AGBL1: variants seen among roughly 807,000 people sequenced by gnomAD.
AGBL1 encodes the protein AGBL carboxypeptidase 1, also known as cytosolic carboxypeptidase 4.
In AGBL1, 130 loss-of-function variants were observed where a neutral mutation model predicts 118.9. The observed-to-expected ratio is 1.09, with a 90% confidence interval of 0.95 to 1.26. The LOEUF (loss-of-function observed/expected upper bound fraction) is 1.26, where lower values mean the gene tolerates loss of function less well. Among genes scored for constraint, AGBL1 ranks in the 50% most tolerant of loss-of-function variants. The probability of loss-of-function intolerance (pLI) is 0.00; values close to 1 mark genes in which losing one functional copy is unlikely to be tolerated. For missense variants in AGBL1, 1,584 were observed against 1,298.1 expected (o/e 1.22, Z -3.38); for synonymous variants, 555 against 478.9 (o/e 1.16, Z -2.08).
At chr15:86,679,063 T>C (rs4480770) in intron 22 of AGBL1, among the ~76,000 whole-genome samples, 128,534 of 152,008 alleles carry the variant, frequency 0.85, 55,105 homozygotes, top group East Asian at 0.93. Context: ...TGCTGCATTC[T>C]CTTCTTTATT....
intron 17 of AGBL1, among the ~76,000 whole-genome samples, chr15:86,298,410 C>T (rs956064238): frequency 5.6e-5 from 8 of 143,332 alleles, no homozygotes; most frequent in East Asian, 3.9e-4. Flanking sequence ...AAACACATGC[C>T]GTTGCTGTGT....
chr15:86,210,237 T>A (rs937256074), intron 5 of AGBL1, among the ~76,000 whole-genome samples: 1 of 152,226 alleles, frequency 6.6e-6, no homozygotes, highest in Non-Finnish European at 1.5e-5. Context: ...TCTCTCTGGC[T>A]GCCCTTAACA....
At chr15:86,757,704 TTC>T (rs1298570983) in intron 22 of AGBL1, among the ~76,000 whole-genome samples, 2 of 152,046 alleles carry the variant, frequency 1.3e-5, no homozygotes, top group Non-Finnish European at 2.9e-5. Context: ...CTTGGCCACG[TTC>T]TTTTAGTTCC....
chr15:86,254,575 T>C (rs1228754153), intron 7 of AGBL1, among the ~76,000 whole-genome samples: 1 of 152,224 alleles, frequency 6.6e-6, no homozygotes, highest in East Asian at 1.9e-4. Flanking sequence ...TCATCATCCC[T>C]TCCAAGTAGC....
At chr15:86,641,878 A>G (rs1255418495) in intron 21 of AGBL1, among the ~76,000 whole-genome samples, 1 of 152,224 alleles carries the variant, frequency 6.6e-6, no homozygotes, top group Non-Finnish European at 1.5e-5. Flanking sequence ...TTTCAGGCTC[A>G]TGGATGTGCT....
chr15:86,581,341 G>A (rs1051002463), intron 21 of AGBL1, among the ~76,000 whole-genome samples: 3 of 152,014 alleles, frequency 2.0e-5, no homozygotes, highest in Admixed American at 6.6e-5. Flanking sequence ...ATTTTGATAG[G>A]TCCCTTCTTA....
At chr15:86,102,404 A>G (rs1225348429) in intron 1 of AGBL1, among the ~76,000 whole-genome samples, 1 of 152,068 alleles carries the variant, frequency 6.6e-6, no homozygotes. Flanking sequence ...ACATGTTTTC[A>G]TGATGGTAGA....
chr15:87,015,769 C>T (rs988059227), intron 24 of AGBL1, among the ~76,000 whole-genome samples: 1 of 152,152 alleles, frequency 6.6e-6, no homozygotes, highest in Non-Finnish European at 1.5e-5. Context: ...AGGGATAGAG[C>T]TTTAAGTCTA....
chr15:86,164,541 G>A (rs1403195062), intron 5 of AGBL1, among the ~76,000 whole-genome samples: 1 of 152,136 alleles, frequency 6.6e-6, no homozygotes, highest in East Asian at 1.9e-4. Context: ...TGAAGATTTT[G>A]ATAATAATAA....
chr15:86,310,144 T>C (rs1043460373), intron 17 of AGBL1, among the ~76,000 whole-genome samples: 3 of 152,206 alleles, frequency 2.0e-5, no homozygotes, highest in Non-Finnish European at 4.4e-5. Context: ...TGTTTCTTCA[T>C]GATTCAGTCT....
chr15:86,474,701 C>A (rs544033514), intron 18 of AGBL1, among the ~76,000 whole-genome samples: 1 of 152,310 alleles, frequency 6.6e-6, no homozygotes, highest in East Asian at 1.9e-4. Flanking sequence ...CTTAAATGTC[C>A]CTGTCTGACA....
At chr15:86,323,232 C>T (rs890288888) in intron 17 of AGBL1, among the ~76,000 whole-genome samples, 3 of 151,786 alleles carry the variant, frequency 2.0e-5, no homozygotes, top group Non-Finnish European at 4.4e-5. Flanking sequence ...GCACCTCATC[C>T]ACCATGTTGC....
intron 22 of AGBL1, among the ~76,000 whole-genome samples, chr15:86,772,478 T>G (rs2078195561): frequency 6.6e-6 from 1 of 152,084 alleles, no homozygotes. Context: ...AAGTTGAGTC[T>G]AGGTTTCAGA....
At chr15:86,827,497 A>ATATATATACG (rs1596525971) in intron 22 of AGBL1, among the ~76,000 whole-genome samples, 1 of 39,710 alleles carries the variant, frequency 2.5e-5, no homozygotes, top group Non-Finnish European at 4.9e-5. Flanking sequence ...GTGTATATAT[A>ATATATATACG]TATATATATA....
chr15:86,884,876 A>C (rs1440259451), intron 22 of AGBL1, among the ~76,000 whole-genome samples: 1 of 152,206 alleles, frequency 6.6e-6, no homozygotes, highest in African/African-American at 2.4e-5. Flanking sequence ...AAAGTGTCTC[A>C]CAAAATGCCT....
chr15:86,641,786 C>CT (rs2142469575), intron 21 of AGBL1, among the ~76,000 whole-genome samples: 1 of 152,224 alleles, frequency 6.6e-6, no homozygotes, highest in South Asian at 2.1e-4. Flanking sequence ...AACCCCACAG[C>CT]TTTTATCAGT....
At chr15:86,726,725 C>G (rs2086824059) in intron 22 of AGBL1, among the ~76,000 whole-genome samples, 1 of 152,090 alleles carries the variant, frequency 6.6e-6, no homozygotes, top group African/African-American at 2.4e-5. Flanking sequence ...CCATGCCCAG[C>G]TAATTGTTTT....
intron 21 of AGBL1, among the ~76,000 whole-genome samples, chr15:86,571,692 G>A (rs974814872): frequency 1.3e-5 from 2 of 152,128 alleles, no homozygotes; most frequent in African/African-American, 4.8e-5. Context: ...CAAGTCAAGG[G>A]ATGGGGTGTT....
intron 23 of AGBL1, among the ~76,000 whole-genome samples, chr15:86,963,715 A>G (rs189192371): frequency 6.6e-6 from 1 of 152,072 alleles, no homozygotes; most frequent in East Asian, 2.0e-4. Context: ...CCTCTCTTCC[A>G]AAGTCTCTGT....
Sources: gnomAD v4.1 joint callset for allele counts (sites outside exome capture counted in the v4.1 genomes callset) on GRCh38, gnomAD v4.1.1 for gene constraint, MANE v1.5 for transcripts, NCBI Gene and HGNC (gene_info 2026-07-23, HGNC 2026-07-21) for gene names.